AK9: variants seen among roughly 807,000 people sequenced by gnomAD.
AK9 encodes adenylate kinase domain containing 1.
AK9 carries 191 observed loss-of-function variants against 239.6 expected under a neutral mutation model. The ratio of observed to expected loss-of-function variants is 0.80; its 90% CI spans 0.71 to 0.90. The LOEUF (loss-of-function observed/expected upper bound fraction) is 0.90. Ranked by LOEUF, AK9 falls within the 40% of genes least tolerant of loss-of-function variation. AK9 has a pLI of 0.00. For synonymous variants in AK9, 689 were observed against 721.0 expected (o/e 0.96, Z 0.71); for missense variants, 1,995 against 2,214.7 (o/e 0.90, Z 1.99).
At chr6:109,529,452 C>T (rs1315307180) in intron 28 of AK9, among the ~76,000 whole-genome samples, 2 of 152,120 alleles carry the variant, frequency 1.3e-5, no homozygotes, top group Non-Finnish European at 2.9e-5. Context: ...CCTACCATAG[C>T]GATCCCCAAC....
At chr6:109,680,138 G>T (rs1562605644) in intron 1 of AK9, among the ~76,000 whole-genome samples, 4 of 152,114 alleles carry the variant, frequency 2.6e-5, no homozygotes, top group Admixed American at 2.6e-4. Context: ...TCAGAAGGTG[G>T]ATAATAACAA....
At chr6:109,685,043 C>T (rs1773303331) in intron 1 of AK9, among the ~76,000 whole-genome samples, 1 of 151,962 alleles carries the variant, frequency 6.6e-6, no homozygotes, top group South Asian at 2.1e-4. Flanking sequence ...CATCTCACAC[C>T]AGTTAGAATG....
At chr6:109,666,433 C>T (rs1045677379) in intron 5 of AK9, among the ~76,000 whole-genome samples, 6 of 152,176 alleles carry the variant, frequency 3.9e-5, no homozygotes, top group African/African-American at 1.4e-4. Context: ...ATTACCAAGC[C>T]CTTGCCCTTC....
intron 24 of AK9, among the ~76,000 whole-genome samples, chr6:109,554,194 T>C (rs1784687028): frequency 6.6e-6 from 1 of 152,192 alleles, no homozygotes; most frequent in Non-Finnish European, 1.5e-5. Flanking sequence ...GGTTTTGGTA[T>C]CAGGCTGATG....
intron 20 of AK9, among the ~76,000 whole-genome samples, chr6:109,579,089 T>G (rs202195690): frequency 6.6e-6 from 1 of 151,416 alleles, no homozygotes; most frequent in African/African-American, 2.4e-5. Flanking sequence ...ACTCCAATCT[T>G]AAACTGTTAC....
intron 21 of AK9, among the ~76,000 whole-genome samples, chr6:109,568,046 C>T (rs1042786775): frequency 2.0e-5 from 3 of 151,938 alleles, no homozygotes; most frequent in Admixed American, 1.3e-4. Flanking sequence ...ACTGGCAAAC[C>T]GAATCCAGCA....
At chr6:109,596,999 T>C (rs1030182898) in intron 17 of AK9, among the ~76,000 whole-genome samples, 3 of 152,186 alleles carry the variant, frequency 2.0e-5, no homozygotes, top group African/African-American at 7.2e-5. Context: ...TACTGTTAAA[T>C]ATTTATGTCA....
At chr6:109,553,677 T>C (rs1784623132) in intron 24 of AK9, among the ~76,000 whole-genome samples, 1 of 152,134 alleles carries the variant, frequency 6.6e-6, no homozygotes, top group African/African-American at 2.4e-5. Context: ...TCTCTTCCTA[T>C]TTGAATACCC....
intron 27 of AK9, among the ~76,000 whole-genome samples, chr6:109,537,629 T>C (rs150524449): frequency 1.8e-3 from 269 of 151,158 alleles, no homozygotes; most frequent in African/African-American, 6.4e-3. Context: ...ATCTTAGTTA[T>C]TTCTTGCCTT....
rs773402674 is a variant in AK9, at chr6:109,499,243, A to G, written c.4850-3T>C. 4.7e-6 allele frequency: 7 copies of G among 1,491,314 alleles called. No homozygotes were observed. In the East Asian group the frequency reaches 7.2e-5, roughly 15 times the overall value. 92.4% of individuals were successfully genotyped at this position (1,491,314 alleles called of 1,614,324 possible). A position where few individuals can be genotyped will look rare whatever the true frequency, so the allele number is the denominator to read the frequency against. On this transcript the variant is annotated splice_region_variant and splice_polypyrimidine_tract_variant and intron_variant, in intron 35 of 40. Coordinates refer to ENST00000424296, the MANE Select transcript of AK9 (RefSeq NM_001145128.3). ...CTTGTCAATGCAGGCAGCTTTTCCT[A>G]TTATTAACATATTAACTATTATCAT...
intron 35 of AK9, 71 bp from the exon 36 acceptor site, chr6:109,499,311 A>C: frequency 8.2e-7 from 1 of 1,213,998 alleles, no homozygotes; most frequent in East Asian, 2.9e-5. Context: ...TAGAAATTAA[A>C]ATAATTTTAA....
At chr6:109,673,342 G>A (rs1482448126) in intron 3 of AK9, among the ~76,000 whole-genome samples, 1 of 152,114 alleles carries the variant, frequency 6.6e-6, no homozygotes, top group Non-Finnish European at 1.5e-5. Context: ...TGTAGTAATT[G>A]TAAAGATTCA....
intron 15 of AK9, 80 bp downstream of exon 15, chr6:109,614,103 G>A: frequency 7.4e-7 from 1 of 1,354,788 alleles, no homozygotes; most frequent in Non-Finnish European, 1.0e-6. Context: ...GTAATTTTAA[G>A]CATAAATATA....
intron 8 of AK9, among the ~76,000 whole-genome samples, chr6:109,652,352 C>G (rs1799090986): frequency 7.0e-6 from 1 of 141,990 alleles, no homozygotes; most frequent in African/African-American, 2.5e-5. Context: ...AAAAATTCAA[C>G]AGCCTTCATG....
intron 8 of AK9, among the ~76,000 whole-genome samples, chr6:109,647,606 A>G (rs1418541546): frequency 1.3e-5 from 2 of 152,252 alleles, no homozygotes; most frequent in Non-Finnish European, 2.9e-5. Flanking sequence ...TTAGTGACTT[A>G]CAAAGAAACT....
chr6:109,674,131 T>C, intron 3 of AK9, 67 bp downstream of exon 3: 4 of 1,323,548 alleles, frequency 3.0e-6, no homozygotes, highest in Non-Finnish European at 4.1e-6. Context: ...ACTGTATAAT[T>C]ATCTCCATTT....
chr6:109,643,624 C>G (rs7755784), intron 9 of AK9, among the ~76,000 whole-genome samples: 3 of 152,306 alleles, frequency 2.0e-5, no homozygotes, highest in African/African-American at 7.2e-5. Context: ...GGCTTAAAAC[C>G]TTTCACTGGA....
chr6:109,516,989 G>T (rs9400288), intron 29 of AK9, among the ~76,000 whole-genome samples: 86,381 of 151,828 alleles, frequency 0.57, 25,715 homozygotes, highest in South Asian at 0.78. Context: ...CAACTTCTGC[G>T]TTCCTTCATT....
At chr6:109,631,049 G>C (rs1796045122) in intron 12 of AK9, among the ~76,000 whole-genome samples, 1 of 152,056 alleles carries the variant, frequency 6.6e-6, no homozygotes, top group Non-Finnish European at 1.5e-5. Flanking sequence ...AGTCTAGGTG[G>C]ATTATATATC....
Sources: allele counts gnomAD v4.1 joint callset (sites outside exome capture counted in the v4.1 genomes callset), GRCh38; gene constraint gnomAD v4.1.1; transcripts MANE v1.5; gene names NCBI Gene and HGNC (gene_info 2026-07-23, HGNC 2026-07-21).